The following MLIP variants were observed in gnomAD, a reference collection of about 807,000 sequenced individuals.
MLIP encodes the protein muscular LMNA-interacting protein.
Under a neutral mutation model 84.8 loss-of-function variants are expected in MLIP, and 79 were observed. The observed-to-expected ratio is 0.93, with a 90% CI of 0.78 to 1.12. The LOEUF (loss-of-function observed/expected upper bound fraction) is 1.12, where lower values mean the gene tolerates loss of function less well. Ranked by LOEUF, MLIP falls within the 50% of genes most tolerant of loss-of-function variation. The pLI, the probability that MLIP is intolerant of heterozygous loss-of-function variation, is 0.00. For missense variants in MLIP, 1,257 were observed against 1,160.6 expected (o/e 1.08, Z -1.21); for synonymous variants, 504 against 463.0 (o/e 1.09, Z -1.14).
chr6:54,177,224 A>G (rs2150621187), intron 9 of MLIP, among the ~76,000 whole-genome samples: 1 of 152,256 alleles, frequency 6.6e-6, no homozygotes, highest in African/African-American at 2.4e-5. Flanking sequence ...GAGCTTTTGC[A>G]CAGCAAAATA....
intron 1 of MLIP, among the ~76,000 whole-genome samples, chr6:54,030,073 T>C (rs1313582860): frequency 1.3e-5 from 2 of 152,174 alleles, no homozygotes; most frequent in African/African-American, 2.4e-5. Context: ...TGGGGATTGT[T>C]TTCTTCAGAA....
chr6:54,146,673 G>A (rs939558706), intron 4 of MLIP, among the ~76,000 whole-genome samples: 1 of 152,210 alleles, frequency 6.6e-6, no homozygotes, highest in Non-Finnish European at 1.5e-5. Context: ...TCAGATGAGG[G>A]AGTTGAACCA....
intron 1 of MLIP, among the ~76,000 whole-genome samples, chr6:54,091,866 A>G (rs1767897143): frequency 6.6e-6 from 1 of 152,088 alleles, no homozygotes; most frequent in Non-Finnish European, 1.5e-5. Context: ...CTTTTTTGTA[A>G]TTAACTAATT....
intron 5 of MLIP, among the ~76,000 whole-genome samples, chr6:54,150,299 G>A (rs1017292820): frequency 7.2e-5 from 11 of 152,260 alleles, no homozygotes; most frequent in African/African-American, 2.4e-4. Context: ...TTTTTCCCTA[G>A]CATCTCTCCT....
At chr6:54,217,782 C>G in intron 11 of MLIP, 1 of 984,646 alleles carries the variant, frequency 1.0e-6, no homozygotes, top group Non-Finnish European at 1.2e-6. Context: ...AGAAACATGT[C>G]CAAGACTGTT....
At chr6:54,098,984 TAAGAG>T (rs1768433757) in intron 1 of MLIP, among the ~76,000 whole-genome samples, 1 of 152,158 alleles carries the variant, frequency 6.6e-6, no homozygotes, top group Non-Finnish European at 1.5e-5. Flanking sequence ...AGCTCATGCT[TAAGAG>T]TCTAGAATAT....
intron 3 of MLIP, among the ~76,000 whole-genome samples, chr6:54,130,786 A>T (rs916991326): frequency 2.0e-5 from 3 of 152,178 alleles, no homozygotes; most frequent in Non-Finnish European, 4.4e-5. Flanking sequence ...GGATGAATAC[A>T]TTTTTGGCAT....
chr6:54,020,231 G>A (rs542819046), intron 1 of MLIP, among the ~76,000 whole-genome samples: 3 of 152,242 alleles, frequency 2.0e-5, no homozygotes, highest in South Asian at 2.1e-4. Context: ...GTGTAAGATA[G>A]GGAACAGTAA....
At chr6:54,071,216 GATGCATCTGCTTTGC>G (rs1766464937) in intron 1 of MLIP, among the ~76,000 whole-genome samples, 1 of 151,894 alleles carries the variant, frequency 6.6e-6, no homozygotes, top group East Asian at 1.9e-4. Context: ...CTATTATGAG[GATGCATCTGCTTTGC>G]ATGCATCTGC....
intron 12 of MLIP, among the ~76,000 whole-genome samples, chr6:54,254,762 TCCTTCCCTTCCTC>T (rs1782885551): frequency 7.0e-6 from 1 of 143,648 alleles, no homozygotes; most frequent in Admixed American, 6.9e-5. Flanking sequence ...CTTCCTTCCT[TCCTTCCCTTCCTC>T]CCTCCCTTCC....
At chr6:54,119,403 T>C (rs1422796383) in intron 1 of MLIP, among the ~76,000 whole-genome samples, 1 of 152,168 alleles carries the variant, frequency 6.6e-6, no homozygotes, top group African/African-American at 2.4e-5. Flanking sequence ...CAGATGAACA[T>C]GGATGTTATG....
chr6:54,048,583 C>A (rs1450960274), intron 1 of MLIP, among the ~76,000 whole-genome samples: 1 of 151,980 alleles, frequency 6.6e-6, no homozygotes, highest in Non-Finnish European at 1.5e-5. Flanking sequence ...GGAAACAAAG[C>A]CATTGAGGGA....
intron 1 of MLIP, among the ~76,000 whole-genome samples, chr6:54,062,672 A>G (rs1766034380): frequency 6.6e-6 from 1 of 152,178 alleles, no homozygotes; most frequent in African/African-American, 2.4e-5. Flanking sequence ...CCTCAACAGA[A>G]TTCTGCTCTA....
intron 1 of MLIP, among the ~76,000 whole-genome samples, chr6:54,032,760 G>A (rs1030099302): frequency 2.0e-5 from 3 of 152,050 alleles, no homozygotes; most frequent in Non-Finnish European, 4.4e-5. Flanking sequence ...TGCCATGTTG[G>A]CTAGGCTGGT....
At chr6:54,022,073 T>G (rs560948690) in intron 1 of MLIP, among the ~76,000 whole-genome samples, 1 of 152,340 alleles carries the variant, frequency 6.6e-6, no homozygotes, top group East Asian at 1.9e-4. Context: ...CTGTTGAGGT[T>G]GAATGGATCT....
chr6:54,172,542 C>T (rs1275045924), intron 9 of MLIP, among the ~76,000 whole-genome samples: 3 of 151,296 alleles, frequency 2.0e-5, no homozygotes, highest in Non-Finnish European at 3.0e-5. Flanking sequence ...AGGAGGTAGC[C>T]AGAGAACCCA....
intron 1 of MLIP, chr6:54,083,478 A>G: frequency 6.5e-7 from 1 of 1,532,444 alleles, no homozygotes; most frequent in East Asian, 2.4e-5. Flanking sequence ...TCAGCAGCTG[A>G]CACAGGCAAG....
chr6:54,174,507 G>A (rs1242900392), intron 9 of MLIP, among the ~76,000 whole-genome samples: 1 of 151,958 alleles, frequency 6.6e-6, no homozygotes, highest in Non-Finnish European at 1.5e-5. Context: ...CAATGATGTT[G>A]AGCATCTTTT....
intron 1 of MLIP, among the ~76,000 whole-genome samples, chr6:54,030,004 G>A (rs547603571): frequency 4.5e-4 from 68 of 152,222 alleles, no homozygotes; most frequent in African/African-American, 1.6e-3. Flanking sequence ...TTAGAGAAAT[G>A]AGAATCACAG....
Sources: allele counts gnomAD v4.1 joint callset (sites outside exome capture counted in the v4.1 genomes callset), GRCh38; gene constraint gnomAD v4.1.1; transcripts MANE v1.5; gene names NCBI Gene and HGNC (gene_info 2026-07-23, HGNC 2026-07-21).